The following SUMF1 variants were observed in gnomAD, a reference collection of about 807,000 sequenced individuals.
The protein encoded by SUMF1 is formylglycine-generating enzyme.
A neutral mutation model predicts 47.6 loss-of-function variants in SUMF1; 48 were observed. That is an observed-to-expected ratio of 1.01 (90% CI 0.80 to 1.28). The LOEUF is 1.28. SUMF1 is among the 50% of genes most tolerant of loss of function. The pLI, the probability that SUMF1 is intolerant of heterozygous loss-of-function variation, is 0.00. For missense variants in SUMF1, 571 were observed against 485.4 expected (o/e 1.18, Z -1.66); for synonymous variants, 230 against 192.1 (o/e 1.20, Z -1.63).
At chr3:4,255,485 C>G (rs1297651850) in intron 8 of SUMF1, among the ~76,000 whole-genome samples, 23 of 93,404 alleles carry the variant, frequency 2.5e-4, no homozygotes, top group African/African-American at 9.3e-4. Flanking sequence ...ATAAAACAGA[C>G]TTTAAACCAA....
At chr3:4,360,490 T>A (rs1699725310), downstream of SUMF1, among the ~76,000 whole-genome samples, 1 of 152,046 alleles carries the variant, frequency 6.6e-6, no homozygotes, top group African/African-American at 2.4e-5. Context: ...CACTCCTGGC[T>A]AAATTTTATT....
chr3:4,364,006 G>A (rs371069571), intron 8 of SUMF1, among the ~76,000 whole-genome samples: 1 of 138,214 alleles, frequency 7.2e-6, no homozygotes, highest in Non-Finnish European at 1.6e-5. Context: ...CTTTGGTTCT[G>A]TTTATATGCT....
At chr3:4,462,943 G>A (rs2079852315) in intron 1 of SUMF1, among the ~76,000 whole-genome samples, 1 of 152,176 alleles carries the variant, frequency 6.6e-6, no homozygotes, top group Admixed American at 6.5e-5. Context: ...TGTAAAGTGG[G>A]AGATGATCTC....
In SUMF1 at chr3:4,345,363, C is replaced by G. The variant is rs544715916; in HGVS notation, c.1014+30967G>C. 4.8e-3 allele frequency among the ~76,000 whole-genome samples: 730 copies of G among 152,288 alleles called. 7 individuals carry two copies. The highest frequency in any genetic ancestry group is 0.017 in the African/African-American group (703 of 41,562). ...GGCAGAAACTCTACAAGCCAGAAGACAGTGGGGGCCAATATTCAACATTCT... is the reference window on the plus strand; with the variant it reads ...GGCAGAAACTCTACAAGCCAGAAGAGAGTGGGGGCCAATATTCAACATTCT... On this transcript the variant is annotated intron_variant and NMD_transcript_variant, in intron 8 of 12. Coordinates refer to the SUMF1 transcript ENST00000448413.
chr3:4,251,688 G>C (rs1489081223), intron 8 of SUMF1, among the ~76,000 whole-genome samples: 2 of 152,152 alleles, frequency 1.3e-5, no homozygotes, highest in Non-Finnish European at 2.9e-5. Context: ...CTTCTCTCTA[G>C]CTTTGAAAAT....
At chr3:4,452,848 T>G (rs769597804) in intron 2 of SUMF1, 28 bp downstream of exon 2, 1 of 1,613,796 alleles carries the variant, frequency 6.2e-7, no homozygotes, top group Admixed American at 1.7e-5. Context: ...AAAGAACAAG[T>G]TCTCCCTCCT....
chr3:4,081,300 C>A (rs552765119), intron 8 of SUMF1, among the ~76,000 whole-genome samples: 127 of 152,260 alleles, frequency 8.3e-4, no homozygotes, highest in Middle Eastern at 6.8e-3. Context: ...CCTTCTGCCT[C>A]ATCTAGGGTA....
chr3:4,047,474 G>C (rs1695026484), intron 9 of SUMF1, among the ~76,000 whole-genome samples: 1 of 152,096 alleles, frequency 6.6e-6, no homozygotes, highest in South Asian at 2.1e-4. Flanking sequence ...GTTCCAAGGA[G>C]GCTTTAGAGC....
intron 8 of SUMF1, among the ~76,000 whole-genome samples, chr3:4,253,669 G>T (rs1696865265): frequency 6.6e-6 from 1 of 151,624 alleles, no homozygotes; most frequent in South Asian, 2.1e-4. Context: ...CTGCAAGGCG[G>T]CAGCGAGGCT....
chr3:4,456,717 C>CGTGT lies in SUMF1; in HGVS notation c.271-3669_271-3668insACAC, dbSNP rs1559312316. Among the ~76,000 whole-genome samples, 53 of 87,906 alleles carry CGTGT rather than the reference C, an allele frequency of 6.0e-4. 3 individuals are homozygous for CGTGT. Among genetic ancestry groups the CGTGT allele is most frequent in the Non-Finnish European group, 7.7e-4 (35 of 45,322 alleles). The allele number at this position is 87,906 out of a possible 152,430, so 57.7% of individuals were successfully genotyped here. A position where few individuals can be genotyped will look rare whatever the true frequency, so the allele number is the denominator to read the frequency against. ...GTATATATATATACGTATATATATA[C>CGTGT]ATATATATACGTGTGTATATATACA... is the stretch of plus-strand genomic sequence containing the variant. On this transcript the variant is annotated intron_variant, in intron 1 of 8. Coordinates refer to ENST00000272902, the MANE Select transcript of SUMF1 (RefSeq NM_182760.4).
rs563844110 is a variant in SUMF1, at chr3:4,092,834, C to T, written c.1015-24089G>A. ...TGCTAAAGTACTGAACTTCATATGG[C>T]CAAGTGAGTGAATATATAAGAAGGT... On this transcript the variant is annotated intron_variant and NMD_transcript_variant, in intron 8 of 12. Transcript: ENST00000448413. Among the ~76,000 whole-genome samples, 145 of 151,798 alleles carry T rather than the reference C, an allele frequency of 9.6e-4. 2 individuals are homozygous for T. The South Asian group carries it at 0.028, about 30-fold the overall frequency.
intron 8 of SUMF1, among the ~76,000 whole-genome samples, chr3:4,369,689 A>C (rs1246864067): frequency 1.3e-5 from 2 of 152,188 alleles, no homozygotes; most frequent in African/African-American, 4.8e-5. Context: ...TGGCCAATAC[A>C]GGTTGCTTAA....
chr3:4,062,353 T>C (rs1348631400), intron 9 of SUMF1, among the ~76,000 whole-genome samples: 3 of 152,092 alleles, frequency 2.0e-5, no homozygotes, highest in Non-Finnish European at 4.4e-5. Context: ...ATAATAGCAA[T>C]AGAACCTTCT....
At chr3:4,094,664 A>C (rs1011750912) in intron 8 of SUMF1, among the ~76,000 whole-genome samples, 12 of 152,110 alleles carry the variant, frequency 7.9e-5, no homozygotes, top group African/African-American at 2.7e-4. Context: ...AAATTATGCA[A>C]TTGCCCTAGT....
intron 8 of SUMF1, among the ~76,000 whole-genome samples, chr3:4,162,994 T>C (rs1003761779): frequency 2.0e-5 from 3 of 152,048 alleles, no homozygotes; most frequent in African/African-American, 7.2e-5. Context: ...TTAGTGCCCA[T>C]TGCTGGCACC....
At chr3:4,160,732 A>C (rs1215542030) in intron 8 of SUMF1, among the ~76,000 whole-genome samples, 1 of 151,834 alleles carries the variant, frequency 6.6e-6, no homozygotes, top group Non-Finnish European at 1.5e-5. Context: ...TCTCTGTGTT[A>C]TCTCTAATTT....
chr3:4,282,627 G>T (rs544525138), intron 8 of SUMF1, among the ~76,000 whole-genome samples: 1 of 152,156 alleles, frequency 6.6e-6, no homozygotes, highest in African/African-American at 2.4e-5. Context: ...TGAAAATAAC[G>T]ATACCAGCGC....
At position 4,410,953 on chromosome 3, in the gene SUMF1, T is replaced by C. The variant is rs772860745; in HGVS notation, c.866A>G (p.Tyr289Cys). ...GTTCCCCACTATGTTGTATAAGCCA[T>C]AACCATTGGGAGGGAAGGCATCAAC... The part of the protein sequence containing the change: ...APVDAFPPNG[Y>C]GLYNIVGNAW... The change falls in exon 7 of 9, where the codon TAT (tyrosine) becomes TGT (cysteine). Residue 289 changes from tyrosine to cysteine, a missense_variant. Tyr to Cys is a radical substitution (Grantham distance 194). Transcript: ENST00000272902. 27 of 1,614,062 alleles carry C rather than the reference T, an allele frequency of 1.7e-5. No homozygotes were observed. Among genetic ancestry groups the C allele is most frequent in the Non-Finnish European group, 2.1e-5 (25 of 1,179,940 alleles).
At chr3:4,253,566 C>T (rs553201657) in intron 8 of SUMF1, among the ~76,000 whole-genome samples, 9 of 151,236 alleles carry the variant, frequency 6.0e-5, no homozygotes, top group African/African-American at 1.5e-4. Context: ...GCTTAAAAAA[C>T]GGCGCACCAT....
Sources: allele counts gnomAD v4.1 joint callset (sites outside exome capture counted in the v4.1 genomes callset), GRCh38; gene constraint gnomAD v4.1.1; transcripts MANE v1.5; gene names NCBI Gene and HGNC (gene_info 2026-07-23, HGNC 2026-07-21).